The following FRMD4B variants were observed in gnomAD, a reference collection of about 807,000 sequenced individuals.
FRMD4B encodes the protein FERM domain containing 4B, also known as FERM domain-containing protein 4B.
A neutral mutation model predicts 141.5 loss-of-function variants in FRMD4B; 74 were observed. That is an observed-to-expected ratio of 0.52 (90% CI 0.43 to 0.63). The LOEUF is 0.63. FRMD4B is among the 30% of genes least tolerant of loss of function. FRMD4B has a pLI of 0.00. For missense variants in FRMD4B, 1,366 were observed against 1,253.4 expected, an observed-to-expected ratio of 1.09 and a Z score of -1.36; for synonymous variants, 506 against 467.9, an observed-to-expected ratio of 1.08 and a Z score of -1.05.
At chr3:69,541,793 C>CCCG (rs536414116) in intron 1 of FRMD4B, among the ~76,000 whole-genome samples, 292 of 151,386 alleles carry the variant, frequency 1.9e-3, no homozygotes, top group African/African-American at 6.6e-3. Context: ...GGGATTTCCC[C>CCCG]CCCCTCTTTT....
At chr3:69,487,324 T>C (rs968387184) in intron 1 of FRMD4B, among the ~76,000 whole-genome samples, 3 of 152,204 alleles carry the variant, frequency 2.0e-5, no homozygotes, top group African/African-American at 7.2e-5. Flanking sequence ...CTGAGAAAGT[T>C]AGAGATAAGG....
chr3:69,327,529 G>C (rs1212570482), intron 1 of FRMD4B, among the ~76,000 whole-genome samples: 1 of 152,096 alleles, frequency 6.6e-6, no homozygotes, highest in Non-Finnish European at 1.5e-5. Flanking sequence ...TACTCTCAGG[G>C]TTTTCATGTT....
rs397990009 is a variant in FRMD4B at position 69,216,429 on chromosome 3, CTTTTTTTTT to C, written c.790-89_790-81del. 10 of 382,142 alleles carry C rather than the reference CTTTTTTTTT, an allele frequency of 2.6e-5. No homozygotes were observed. In the Middle Eastern group the frequency reaches 2.2e-3, roughly 83 times the overall value. 23.7% of individuals were successfully genotyped at this position (382,142 alleles called of 1,614,324 possible). A position where few individuals can be genotyped will look rare whatever the true frequency, so the allele number is the denominator to read the frequency against. The stretch of plus-strand genomic sequence containing the variant: ...TGAATAAAATTTACCAATTTCACCT[CTTTTTTTTT>C]TTTTTTTTTTTTGAGACGGAGTCTC... On this transcript the variant is annotated intron_variant, in intron 10 of 22. Coordinates refer to ENST00000398540, the MANE Select transcript of FRMD4B (RefSeq NM_015123.3).
At chr3:69,228,228 T>C (rs1448239142) in intron 7 of FRMD4B, among the ~76,000 whole-genome samples, 1 of 152,234 alleles carries the variant, frequency 6.6e-6, no homozygotes, top group African/African-American at 2.4e-5. Context: ...AAACCCTGCC[T>C]TCAATGATAA....
At chr3:69,200,029 A>T (rs1352623732) in intron 11 of FRMD4B, among the ~76,000 whole-genome samples, 2 of 152,184 alleles carry the variant, frequency 1.3e-5, no homozygotes, top group Admixed American at 1.3e-4. Context: ...TGGATTTTAA[A>T]ATTATGTTCA....
At chr3:69,250,432 T>C (rs569540292) in intron 5 of FRMD4B, among the ~76,000 whole-genome samples, 2 of 152,350 alleles carry the variant, frequency 1.3e-5, no homozygotes, top group East Asian at 1.9e-4. Flanking sequence ...AATTTTTATC[T>C]CTGCAAGTTC....
intron 1 of FRMD4B, among the ~76,000 whole-genome samples, chr3:69,314,242 A>AAAAT (rs1333751178): frequency 6.8e-6 from 1 of 147,522 alleles, no homozygotes. Flanking sequence ...AAAAAAAAAA[A>AAAAT]GCCAGCCAGG....
intron 7 of FRMD4B, among the ~76,000 whole-genome samples, chr3:69,238,920 G>T (rs1413394527): frequency 6.6e-6 from 1 of 152,090 alleles, no homozygotes; most frequent in Non-Finnish European, 1.5e-5. Flanking sequence ...AATCCTAAAG[G>T]GGTGATCTGG....
chr3:69,470,084 CG>C (rs1705862514), intron 1 of FRMD4B, among the ~76,000 whole-genome samples: 2 of 152,184 alleles, frequency 1.3e-5, no homozygotes, highest in South Asian at 4.1e-4. Flanking sequence ...TATTTTGGAT[CG>C]GTATTCTCCA....
intron 1 of FRMD4B, among the ~76,000 whole-genome samples, chr3:69,461,388 C>T (rs1286883438): frequency 6.6e-6 from 1 of 151,662 alleles, no homozygotes; most frequent in African/African-American, 2.4e-5. Context: ...GTGAGACCCC[C>T]CCCATCTCTA....
rs554829886 is a variant in FRMD4B, at chr3:69,241,435, T to C, written c.581+7791A>G. Reference sequence around the variant, plus strand: ...ACTTTGTTTAACTTTTAACCAAGTATTGTAGAGAGGAAAATCACTTCTCAA... The same window carrying C: ...ACTTTGTTTAACTTTTAACCAAGTACTGTAGAGAGGAAAATCACTTCTCAA... On this transcript the variant is annotated intron_variant, in intron 7 of 22. Transcript: ENST00000398540. Among the ~76,000 whole-genome samples the C allele has an allele frequency of 9.8e-5, 15 of 152,338 alleles. No individual in the cohort carries two copies. In the South Asian group the frequency reaches 1.5e-3, roughly 15 times the overall value.
intron 1 of FRMD4B, among the ~76,000 whole-genome samples, chr3:69,351,066 A>C (rs1001953789): frequency 1.3e-5 from 2 of 152,158 alleles, no homozygotes; most frequent in African/African-American, 4.8e-5. Flanking sequence ...GATCTACAAA[A>C]GCTTCCTTTA....
chr3:69,368,451 G>A (rs1000920241), intron 1 of FRMD4B, among the ~76,000 whole-genome samples: 2 of 152,248 alleles, frequency 1.3e-5, no homozygotes, highest in Admixed American at 6.5e-5. Context: ...GGAAGGCACT[G>A]TGGTTTCCCA....
chr3:69,540,636 A>AAAAAAT (rs1553652109), intron 1 of FRMD4B, among the ~76,000 whole-genome samples: 4 of 69,538 alleles, frequency 5.8e-5, no homozygotes, highest in African/African-American at 3.3e-4. Flanking sequence ...AAAAAAAAAA[A>AAAAAAT]ATATATATAT....
intron 2 of FRMD4B, among the ~76,000 whole-genome samples, chr3:69,416,820 TGTTA>T (rs1199721779): frequency 8.5e-5 from 13 of 152,144 alleles, no homozygotes; most frequent in Non-Finnish European, 1.6e-4. Flanking sequence ...TCTGTTCCTG[TGTTA>T]GTTTGCTGAG....
At chr3:69,292,808 T>A (rs573294307) in intron 4 of FRMD4B, among the ~76,000 whole-genome samples, 1 of 135,262 alleles carries the variant, frequency 7.4e-6, no homozygotes, top group East Asian at 2.3e-4. Flanking sequence ...AAGACCTTTT[T>A]TTCAGCCTTT....
At chr3:69,400,489 G>T (rs1347956308) in intron 2 of FRMD4B, among the ~76,000 whole-genome samples, 3 of 152,170 alleles carry the variant, frequency 2.0e-5, no homozygotes, top group Non-Finnish European at 4.4e-5. Flanking sequence ...CATTTTCCAA[G>T]GAAGAAGCCT....
At chr3:69,455,832 T>A (rs368580340) in intron 1 of FRMD4B, among the ~76,000 whole-genome samples, 3 of 152,350 alleles carry the variant, frequency 2.0e-5, no homozygotes, top group East Asian at 3.9e-4. Flanking sequence ...TCCCACTGTG[T>A]GAGTCAAAGA....
intron 6 of FRMD4B, among the ~76,000 whole-genome samples, chr3:69,249,819 G>A (rs2093449630): frequency 6.6e-6 from 1 of 152,170 alleles, no homozygotes; most frequent in South Asian, 2.1e-4. Context: ...CTCCTTCAGA[G>A]CAGTCTAAAT....
Sources: gnomAD v4.1 joint callset for allele counts (sites outside exome capture counted in the v4.1 genomes callset) on GRCh38, gnomAD v4.1.1 for gene constraint, MANE v1.5 for transcripts, NCBI Gene and HGNC (gene_info 2026-07-23, HGNC 2026-07-21) for gene names.